USP54: variants seen among roughly 807,000 people sequenced by gnomAD.
The protein encoded by USP54 is ubiquitin specific peptidase 54, also known as ubiquitin carboxyl-terminal hydrolase 54.
Under a neutral mutation model 170.5 loss-of-function variants are expected in USP54, and 87 were observed. The ratio of observed to expected loss-of-function variants is 0.51; its 90% CI spans 0.43 to 0.61. The LOEUF (loss-of-function observed/expected upper bound fraction) is 0.61. USP54 is among the 20% of genes least tolerant of loss of function. The pLI is 0.00. For missense variants in USP54, 1,786 were observed against 2,047.8 expected (o/e 0.87, Z 2.47); for synonymous variants, 655 against 742.8 (o/e 0.88, Z 1.92).
At position 73,539,304 on chromosome 10, in the gene USP54, A is replaced by AT. The variant is rs1315210104; in HGVS notation, c.975+139_975+140insA. 11 of 332,956 alleles carry AT rather than the reference A, an allele frequency of 3.3e-5. No homozygotes were observed. The East Asian group carries it at 5.0e-4, about 15-fold the overall frequency. The allele number at this position is 332,956 out of a possible 1,614,324, so 20.6% of individuals were successfully genotyped here. On this transcript the variant is annotated intron_variant, in intron 10 of 23. Coordinates refer to ENST00000687698, the MANE Select transcript of USP54 (RefSeq NM_001391956.1). ...AAAAAAAAAAAAAATTAAAAAAAAA[A>AT]AAAATATATATATATATATGTTTTA...
chr10:73,615,235 C>T (rs1223020875), intron 1 of USP54: 1 of 150,182 alleles, frequency 6.7e-6, no homozygotes, highest in Non-Finnish European at 1.5e-5. Context: ...CACCTGTAAT[C>T]CCAACTGAGT....
chr10:73,551,021 C>T (rs547806117), intron 4 of USP54, among the ~76,000 whole-genome samples: 4 of 152,126 alleles, frequency 2.6e-5, no homozygotes, highest in Admixed American at 1.3e-4. Flanking sequence ...AGGAGAATGG[C>T]GTGAACCCAG....
At chr10:73,602,223 C>A (rs2079220577) in intron 1 of USP54, among the ~76,000 whole-genome samples, 1 of 152,082 alleles carries the variant, frequency 6.6e-6, no homozygotes, top group African/African-American at 2.4e-5. Flanking sequence ...ATACAGTAAT[C>A]CTAATACAGA....
chr10:73,557,878 C>CTTTTTTTTTTTTTTTTTTTTTTTTTTTT (rs765656681), intron 4 of USP54, among the ~76,000 whole-genome samples: 1 of 114,988 alleles, frequency 8.7e-6, no homozygotes, highest in Non-Finnish European at 1.8e-5. Context: ...AGCTATTATT[C>CTTTTTTTTTTTTTTTTTTTTTTTTTTTT]TTTTTTTTTT....
chr10:73,516,550 C>T lies in USP54; in HGVS notation c.3876G>A (p.Thr1292=), dbSNP rs138689241. The change falls in exon 20 of 24, where the codon ACG becomes ACA. Residue 1292 remains threonine (T), a synonymous_variant. Coordinates refer to ENST00000687698, the MANE Select transcript of USP54 (RefSeq NM_001391956.1). ...GATTTCTCTCTGGATAGGTTACACA[C>T]GTATGGGAATCATGAGGGGAGGACT... The part of the protein sequence containing the change: ...GMKSSPHDSH[T]CVTYPERNHI... 3.5e-4 allele frequency: 572 copies of T among 1,614,166 alleles called. 2 individuals carry two copies. The highest frequency in any genetic ancestry group is 1.3e-3 in the South Asian group (120 of 91,090).
intron 12 of USP54, 143 bp from the exon 13 acceptor site, chr10:73,530,978 T>G: frequency 8.6e-7 from 1 of 1,166,220 alleles, no homozygotes; most frequent in Non-Finnish European, 1.2e-6. Flanking sequence ...CTATCTGATT[T>G]CAGTGTAGGA....
intron 22 of USP54, among the ~76,000 whole-genome samples, chr10:73,502,617 C>T (rs1243303534): frequency 6.6e-6 from 1 of 152,140 alleles, no homozygotes; most frequent in African/African-American, 2.4e-5. Flanking sequence ...CCGGCTATTC[C>T]TTTCTTCTTG....
chr10:73,515,517 A>C (rs1359065287), intron 20 of USP54, among the ~76,000 whole-genome samples: 3 of 152,210 alleles, frequency 2.0e-5, no homozygotes, highest in African/African-American at 7.2e-5. Flanking sequence ...TATCTCAGTC[A>C]GTGGCTACCC....
chr10:73,609,487 G>A (rs1184650885), intron 1 of USP54, among the ~76,000 whole-genome samples: 3 of 152,128 alleles, frequency 2.0e-5, no homozygotes, highest in South Asian at 2.1e-4. Flanking sequence ...CGAGGTGGGC[G>A]AATCACTTGA....
chr10:73,563,272 T>C (rs2073492965), intron 4 of USP54, among the ~76,000 whole-genome samples: 1 of 150,748 alleles, frequency 6.6e-6, no homozygotes, highest in Admixed American at 6.6e-5. Context: ...TTTTATCAGA[T>C]TTTTAAATGT....
At chr10:73,531,134 C>T (rs1225061124) in intron 12 of USP54, among the ~76,000 whole-genome samples, 1 of 151,988 alleles carries the variant, frequency 6.6e-6, no homozygotes, top group Non-Finnish European at 1.5e-5. Context: ...CCTGTCTCTA[C>T]TAAAAATACA....
At chr10:73,532,481 A>G (rs899481816) in intron 12 of USP54, among the ~76,000 whole-genome samples, 3 of 152,064 alleles carry the variant, frequency 2.0e-5, no homozygotes, top group African/African-American at 7.2e-5. Flanking sequence ...GGCCGCAACT[A>G]AGTCTTACAA....
chr10:73,523,490 A>G (rs754149160), intron 17 of USP54, 93 bp downstream of exon 17: 74 of 1,411,102 alleles, frequency 5.2e-5, no homozygotes, highest in Admixed American at 6.9e-5. Flanking sequence ...TTATTTTGCT[A>G]AAGAGAAGAC....
intron 1 of USP54, among the ~76,000 whole-genome samples, chr10:73,590,734 C>T (rs572465170): frequency 5.3e-5 from 8 of 152,244 alleles, no homozygotes; most frequent in Admixed American, 4.6e-4. Flanking sequence ...CTTGGCAAAC[C>T]ATCTCTTAGA....
intron 20 of USP54, among the ~76,000 whole-genome samples, chr10:73,515,508 A>C (rs2133273419): frequency 6.6e-6 from 1 of 152,310 alleles, no homozygotes; most frequent in South Asian, 2.1e-4. Context: ...ACTCTGTATT[A>C]TCTCAGTCAG....
At chr10:73,539,662 C>T in intron 9 of USP54, 69 bp from the exon 10 acceptor site, 4 of 1,448,870 alleles carry the variant, frequency 2.8e-6, no homozygotes, top group Non-Finnish European at 3.7e-6. Flanking sequence ...TCTCAGCAGA[C>T]TCCACCAGCA....
Position 73,505,378 on chromosome 10 carries a change from C to T in USP54, c.4100G>A (p.Gly1367Asp), listed in dbSNP as rs7083344. 17,280 of 1,614,056 alleles carry T rather than the reference C, an allele frequency of 0.011. 899 individuals carry two copies. The African/African-American group carries it at 0.15, about 14-fold the overall frequency. ...TTCTGCTGTTGAAGTCTTTGAGAGACCAGGATCATGGGCTGAGTGCAACCT... is the reference window on the plus strand; with the variant it reads ...TTCTGCTGTTGAAGTCTTTGAGAGATCAGGATCATGGGCTGAGTGCAACCT... ...GRRLHSAHDP[G>D]LSKTSTAEME... is the part of the protein sequence containing the mutation. Residue 1367 changes from glycine (G) to aspartate (D), a missense_variant, in exon 21 of 24, where the codon GGT becomes GAT. Physicochemically the swap from Gly to Asp is moderately conservative, Grantham distance 94. Around this residue, in one of 3 missense-constraint regions of USP54, gnomAD observed 1,418 missense variants for 1,569.0 expected, o/e 0.90. Transcript: ENST00000687698.
intron 5 of USP54, 152 bp downstream of exon 5, chr10:73,545,386 G>C (rs2067561113): frequency 9.7e-7 from 1 of 1,031,898 alleles, no homozygotes; most frequent in African/African-American, 1.6e-5. Flanking sequence ...CTATAACAGA[G>C]ACATTTTAGA....
Position 73,498,795 on chromosome 10 carries a change from C to G in USP54, c.4889G>C (p.Gly1630Ala). Residue 1630 changes from glycine to alanine, a missense_variant, in exon 24 of 24, where the codon GGT becomes GCT. Gly to Ala is a moderately conservative substitution (Grantham distance 60). Transcript: ENST00000687698. ...TGGGGGCATATCTACTCTTCGAGGA[C>G]CAGGGGTTCGGGACCCTGGAACAGG... ...SDPVPGSRTP[G>A]PRRVDMPPDD... The G allele has an allele frequency of 1.2e-6, 2 of 1,613,268 alleles. No homozygotes were observed. The highest frequency in any genetic ancestry group is 1.7e-6 in the Non-Finnish European group (2 of 1,179,584).
Sources: gnomAD v4.1 joint callset for allele counts (sites outside exome capture counted in the v4.1 genomes callset) on GRCh38, gnomAD v4.1.1 for gene constraint, gnomAD v4.1.1 regional missense constraint, MANE v1.5 for transcripts, NCBI Gene and HGNC (gene_info 2026-07-23, HGNC 2026-07-21) for gene names.